Variants in KLRG1 observed in about 807,000 individuals in gnomAD.
KLRG1 encodes killer cell lectin-like receptor subfamily G member 1.
A neutral mutation model predicts 21.8 loss-of-function variants in KLRG1; 16 were observed. The ratio of observed to expected loss-of-function variants is 0.73; its 90% CI spans 0.50 to 1.11. The LOEUF is 1.11. Ranked by LOEUF, KLRG1 falls within the 50% of genes most tolerant of loss-of-function variation. The pLI, the probability that KLRG1 is intolerant of heterozygous loss-of-function variation, is 0.00. For missense variants in KLRG1, 173 were observed against 218.3 expected, an observed-to-expected ratio of 0.79 and a Z score of 1.31; for synonymous variants, 69 against 75.9, an observed-to-expected ratio of 0.91 and a Z score of 0.47.
chr12:9,076,702 G>A, the KLRG1 span: 1 of 1,587,656 alleles, frequency 6.3e-7, no homozygotes, highest in Non-Finnish European at 8.6e-7. Flanking sequence ...TTTTTGCCAT[G>A]CAGTTCTTGA....
chr12:8,955,976 C>T (rs1349333632), intron 1 of KLRG1, among the ~76,000 whole-genome samples: 1 of 152,148 alleles, frequency 6.6e-6, no homozygotes, highest in African/African-American at 2.4e-5. Flanking sequence ...AGCACACACT[C>T]CCCCATTCTG....
chr12:9,026,970 C>T, the KLRG1 span, among the ~76,000 whole-genome samples: 1 of 151,716 alleles, frequency 6.6e-6, no homozygotes, highest in South Asian at 2.1e-4. Flanking sequence ...ATGCTCCTGC[C>T]TCAACCTCCT....
intron 1 of KLRG1, among the ~76,000 whole-genome samples, chr12:8,963,175 A>C (rs1352452360): frequency 6.6e-6 from 1 of 152,240 alleles, no homozygotes; most frequent in Non-Finnish European, 1.5e-5. Context: ...CTATGCATTC[A>C]AAAATACCTT....
At chr12:8,969,064 C>T (rs567767857) in intron 1 of KLRG1, among the ~76,000 whole-genome samples, 19 of 152,338 alleles carry the variant, frequency 1.2e-4, no homozygotes, top group Non-Finnish European at 2.4e-4. Context: ...CCTCTCCCAT[C>T]TCCAGCCTTG....
the KLRG1 span, chr12:9,202,717 A>G: frequency 6.3e-7 from 1 of 1,597,974 alleles, no homozygotes; most frequent in Non-Finnish European, 8.6e-7. Flanking sequence ...CTACTGAGGA[A>G]CTGTGCAGTC....
At chr12:9,107,098 C>T in the KLRG1 span, among the ~76,000 whole-genome samples, 1 of 152,094 alleles carries the variant, frequency 6.6e-6, no homozygotes. Flanking sequence ...AGTCTGGTTC[C>T]TCCTCCATAA....
the KLRG1 span, among the ~76,000 whole-genome samples, chr12:9,194,646 A>G: frequency 3.3e-5 from 5 of 151,852 alleles, no homozygotes; most frequent in Admixed American, 2.0e-4. Context: ...TTGTATTTTT[A>G]GTAGAGACGG....
the KLRG1 span, among the ~76,000 whole-genome samples, chr12:9,180,656 G>A: frequency 6.6e-6 from 1 of 152,086 alleles, no homozygotes; most frequent in Non-Finnish European, 1.5e-5. Flanking sequence ...AATTCAAGAT[G>A]GATTAAAGAC....
the KLRG1 span, among the ~76,000 whole-genome samples, chr12:9,030,977 G>C: frequency 6.6e-6 from 1 of 152,226 alleles, no homozygotes; most frequent in Non-Finnish European, 1.5e-5. Flanking sequence ...AGCATCTCCC[G>C]GCAGGGGGTA....
At chr12:9,079,693 T>A in the KLRG1 span, 3 of 1,613,800 alleles carry the variant, frequency 1.9e-6, no homozygotes, top group African/African-American at 2.7e-5. Context: ...AGCTGCTGTG[T>A]TTCATTTAGA....
At chr12:9,080,168 A>G in the KLRG1 span, 1 of 1,578,858 alleles carries the variant, frequency 6.3e-7, no homozygotes, top group Non-Finnish European at 8.6e-7. Context: ...TTCTTCAGAA[A>G]CCTCACCACC....
chr12:9,207,369 GAAGAAATGTA>G, the KLRG1 span, among the ~76,000 whole-genome samples: 1 of 152,210 alleles, frequency 6.6e-6, no homozygotes, highest in African/African-American at 2.4e-5. Flanking sequence ...CCATTCTCTG[GAAGAAATGTA>G]AAGGCAGCTG....
chr12:9,095,068 G>C, the KLRG1 span: 1 of 1,583,022 alleles, frequency 6.3e-7, no homozygotes, highest in Non-Finnish European at 8.6e-7. Flanking sequence ...GTTGGTGAAT[G>C]CCTTTAAGCC....
the KLRG1 span, chr12:9,154,620 G>C: frequency 6.2e-7 from 1 of 1,614,010 alleles, no homozygotes; most frequent in Non-Finnish European, 8.5e-7. Flanking sequence ...ACTGACCTGG[G>C]TGGAGGAGAA....
In KLRG1 at chr12:9,009,380, T is replaced by C. The variant is rs781000202; in HGVS notation, c.459-46T>C. On this transcript the variant is annotated intron_variant, in intron 4 of 4. Transcript: ENST00000356986. ...TCCCTTCATGCCTTTCAACTCCTTTTCTGTGCATGCGGCCTTAAGTGATTG... is the reference window on the plus strand; with the variant it reads ...TCCCTTCATGCCTTTCAACTCCTTTCCTGTGCATGCGGCCTTAAGTGATTG... 3.7e-6 allele frequency: 6 copies of C among 1,608,434 alleles called. No homozygotes were observed. In the South Asian group the frequency reaches 5.5e-5, roughly 15 times the overall value.
chr12:9,005,765 C>T (rs1947454038), intron 3 of KLRG1, among the ~76,000 whole-genome samples: 1 of 152,188 alleles, frequency 6.6e-6, no homozygotes, highest in African/African-American at 2.4e-5. Context: ...AACTGTTCCA[C>T]CTCAGATCAT....
chr12:9,202,493 G>A, the KLRG1 span: 7 of 1,613,538 alleles, frequency 4.3e-6, no homozygotes, highest in Non-Finnish European at 5.9e-6. Context: ...CCTTCTCAGT[G>A]TTGCCCCAAA....
chr12:9,077,457 T>G, the KLRG1 span: 1 of 1,578,064 alleles, frequency 6.3e-7, no homozygotes, highest in Non-Finnish European at 8.7e-7. Flanking sequence ...TAATTCAACT[T>G]CTGAGAATGC....
rs1235129563 is a variant in KLRG1, at chr12:9,010,201, A to T, written c.*664A>T. 1.9e-5 allele frequency: 10 copies of T among 519,056 alleles called. No individual in the cohort carries two copies. The South Asian group carries it at 2.2e-4, about 11-fold the overall frequency. The allele number at this position is 519,056 out of a possible 1,614,324, so 32.2% of individuals were successfully genotyped here. A position where few individuals can be genotyped will look rare whatever the true frequency, so the allele number is the denominator to read the frequency against. On this transcript the variant is annotated 3_prime_UTR_variant, in exon 5 of 5. Transcript: ENST00000356986. ...ACTCCATCTCTAAAAAAAAAAAAAA[A>T]TGCTAATGTGAGAATATAAATTGTG...
Sources: gnomAD v4.1 joint callset for allele counts (sites outside exome capture counted in the v4.1 genomes callset) on GRCh38, gnomAD v4.1.1 for gene constraint, MANE v1.5 for transcripts, NCBI Gene and HGNC (gene_info 2026-07-23, HGNC 2026-07-21) for gene names.